The following CRK variants were observed in gnomAD, a reference collection of about 807,000 sequenced individuals.
CRK encodes the protein CRK proto-oncogene, adaptor protein, also known as adapter molecule crk.
Under a neutral mutation model 29.8 loss-of-function variants are expected in CRK, and 4 were observed. That is an observed-to-expected ratio of 0.13 (90% confidence interval 0.07 to 0.31). The LOEUF is 0.31. Among genes scored for constraint, CRK ranks in the 10% least tolerant of loss-of-function variants. CRK has a pLI of 1.00. For missense variants in CRK, 274 were observed against 396.5 expected (o/e 0.69, Z 2.62); for synonymous variants, 153 against 164.9 (o/e 0.93, Z 0.55).
chr17:1,455,782 A>C, intron 1 of CRK, 95 bp downstream of exon 1: 1 of 1,377,468 alleles, frequency 7.3e-7, no homozygotes, highest in South Asian at 1.6e-5. Flanking sequence ...TCTGCCCACG[A>C]CCCCCGAGGG....
At chr17:1,441,893 T>C (rs1372509641) in intron 1 of CRK, among the ~76,000 whole-genome samples, 1 of 152,024 alleles carries the variant, frequency 6.6e-6, no homozygotes, top group Non-Finnish European at 1.5e-5. Context: ...TCTGGCTCTG[T>C]GGCCCAGGCT....
chr17:1,433,171 A>G (rs531607984), intron 2 of CRK, among the ~76,000 whole-genome samples: 2 of 152,240 alleles, frequency 1.3e-5, no homozygotes, highest in Non-Finnish European at 2.9e-5. Context: ...TAATGAGAAC[A>G]AAATCAGAAC....
At chr17:1,430,126 C>T (rs1297719476) in intron 2 of CRK, among the ~76,000 whole-genome samples, 1 of 149,792 alleles carries the variant, frequency 6.7e-6, no homozygotes, top group Non-Finnish European at 1.5e-5. Context: ...CTCACTGCAA[C>T]CTCCACCTCC....
At chr17:1,435,821 T>A (rs1323025594) in intron 2 of CRK, among the ~76,000 whole-genome samples, 1 of 151,994 alleles carries the variant, frequency 6.6e-6, no homozygotes, top group Non-Finnish European at 1.5e-5. Context: ...CTGTGCCCAG[T>A]CTGTACTAGC....
In CRK at chr17:1,421,194, G is replaced by C. The variant is rs1218342580; in HGVS notation, c.*2319C>G. Reference sequence around the variant, plus strand: ...GGTTCATGAACGGCCCTGGATCACTGATCACTGAGGAATCCTTAGGACTTG... The same window carrying C: ...GGTTCATGAACGGCCCTGGATCACTCATCACTGAGGAATCCTTAGGACTTG... On this transcript the variant is annotated 3_prime_UTR_variant, in exon 3 of 3. Transcript: ENST00000300574. 1 of 152,152 alleles carries C rather than the reference G, an allele frequency of 6.6e-6. No homozygotes were observed. Among genetic ancestry groups the C allele is most frequent in the East Asian group, 1.9e-4 (1 of 5,204 alleles). The allele number at this position is 152,152 out of a possible 1,614,324, so 9.4% of individuals were successfully genotyped here.
Position 1,440,240 on chromosome 17 carries a change from G to A in CRK, c.242-3085C>T, listed in dbSNP as rs559239586. On this transcript the variant is annotated intron_variant, in intron 1 of 2. Transcript: ENST00000300574. ...CATGAACCCAGGAGGCAGAGCTTGC[G>A]GTGAGCCGAGATCGCGCCACTGCAC... Among the ~76,000 whole-genome samples the A allele has an allele frequency of 2.1e-3, 316 of 151,326 alleles. 3 individuals carry two copies. The highest frequency in any genetic ancestry group is 6.8e-3 in the Middle Eastern group (2 of 292).
chr17:1,446,960 T>C (rs1430881550), intron 1 of CRK, among the ~76,000 whole-genome samples: 1 of 152,168 alleles, frequency 6.6e-6, no homozygotes, highest in African/African-American at 2.4e-5. Context: ...CGGAAAACCT[T>C]TGATGTACTT....
Position 1,449,726 on chromosome 17 carries a change from A to G in CRK, c.241+6151T>C, listed in dbSNP as rs557885636. On this transcript the variant is annotated intron_variant, in intron 1 of 2. Coordinates refer to ENST00000300574, the MANE Select transcript of CRK (RefSeq NM_016823.4). ...AGCATTCCAAGGAGGTCCATCTTGA[A>G]GCCCAACCTGACAGAATGTGACCAG... is the stretch of plus-strand genomic sequence containing the variant. Among the ~76,000 whole-genome samples the G allele has an allele frequency of 4.9e-4, 75 of 152,316 alleles. No homozygotes were observed. The South Asian group carries it at 0.015, about 31-fold the overall frequency.
intron 1 of CRK, 144 bp from the exon 2 acceptor site, chr17:1,437,299 A>G: frequency 1.2e-6 from 1 of 860,460 alleles, no homozygotes; most frequent in Non-Finnish European, 1.7e-6. Context: ...TGATCCTCTC[A>G]CCACAAACTC....
intron 1 of CRK, among the ~76,000 whole-genome samples, chr17:1,439,196 C>T (rs1484685475): frequency 6.6e-6 from 1 of 151,866 alleles, no homozygotes; most frequent in Non-Finnish European, 1.5e-5. Flanking sequence ...CCCGGGTTCA[C>T]GTCATTCTCC....
At chr17:1,444,137 T>A (rs1431279288) in intron 1 of CRK, among the ~76,000 whole-genome samples, 1 of 151,964 alleles carries the variant, frequency 6.6e-6, no homozygotes, top group Non-Finnish European at 1.5e-5. Flanking sequence ...CCTGGTCTTG[T>A]TAATTTTGAG....
chr17:1,441,810 A>C (rs1040002740), intron 1 of CRK, among the ~76,000 whole-genome samples: 1 of 151,470 alleles, frequency 6.6e-6, no homozygotes, highest in African/African-American at 2.4e-5. Flanking sequence ...CTGATTTTGA[A>C]ATTTTTTTTA....
rs893225131 is a variant in CRK, at chr17:1,456,207, T to G, written c.-90A>C. On this transcript the variant is annotated 5_prime_UTR_variant, in exon 1 of 3. Coordinates refer to ENST00000300574, the MANE Select transcript of CRK (RefSeq NM_016823.4). ...CGCCGCCCAGCGGACCGGCTCCGGTTTCAGCTTCACAGCAGCGCCCGAAAT... is the reference window on the plus strand; with the variant it reads ...CGCCGCCCAGCGGACCGGCTCCGGTGTCAGCTTCACAGCAGCGCCCGAAAT... 9 of 1,338,762 alleles carry G rather than the reference T, an allele frequency of 6.7e-6. No homozygotes were observed. In the African/African-American group the frequency reaches 9.3e-5, roughly 14 times the overall value. 82.9% of individuals were successfully genotyped at this position (1,338,762 alleles called of 1,614,324 possible). A position where few individuals can be genotyped will look rare whatever the true frequency, so the allele number is the denominator to read the frequency against.
chr17:1,447,523 T>A (rs2073984424), intron 1 of CRK, among the ~76,000 whole-genome samples: 1 of 151,662 alleles, frequency 6.6e-6, no homozygotes, highest in Non-Finnish European at 1.5e-5. Flanking sequence ...GAGGGCTCTG[T>A]GGGCTAAAAT....
chr17:1,433,618 A>T (rs963300543), intron 2 of CRK, among the ~76,000 whole-genome samples: 1 of 142,008 alleles, frequency 7.0e-6, no homozygotes, highest in Non-Finnish European at 1.5e-5. Flanking sequence ...TCCCGGGTTC[A>T]AGTGATTCTC....
At position 1,436,797 on chromosome 17, in the gene CRK, C is replaced by T. The variant is rs1168918851; in HGVS notation, c.600G>A (p.Leu200=). 6 of 1,582,100 alleles carry T rather than the reference C, an allele frequency of 3.8e-6. No individual in the cohort carries two copies. Among genetic ancestry groups the T allele is most frequent in the Non-Finnish European group, 5.1e-6 (6 of 1,165,682 alleles). The stretch of plus-strand genomic sequence containing the variant: ...GGGAACCCTCCTGGTTACCTCCAAT[C>T]AGAGCCGATACTGAGGCGGAGGCAG... The part of the protein sequence containing the change: ...YRPASASVSA[L]IGGNQEGSHP... Residue 200 remains leucine (L), a synonymous_variant, in exon 2 of 3, where the codon CTG becomes CTA. Coordinates refer to ENST00000300574, the MANE Select transcript of CRK (RefSeq NM_016823.4).
At chr17:1,453,846 T>C (rs1440070425) in intron 1 of CRK, among the ~76,000 whole-genome samples, 1 of 151,912 alleles carries the variant, frequency 6.6e-6, no homozygotes, top group Non-Finnish European at 1.5e-5. Context: ...AGGTAGAGAT[T>C]GCAGTGAGCT....
At chr17:1,448,007 T>C (rs181579856) in intron 1 of CRK, among the ~76,000 whole-genome samples, 10 of 152,062 alleles carry the variant, frequency 6.6e-5, no homozygotes, top group Admixed American at 3.3e-4. Context: ...TACCCACCAA[T>C]ACAAAACGCT....
intron 2 of CRK, among the ~76,000 whole-genome samples, chr17:1,425,231 A>T (rs2073767076): frequency 1.3e-5 from 2 of 151,718 alleles, no homozygotes; most frequent in African/African-American, 2.4e-5. Flanking sequence ...CTGGGACTAC[A>T]GCCGCCCGCC....
Sources: allele counts gnomAD v4.1 joint callset (sites outside exome capture counted in the v4.1 genomes callset), GRCh38; gene constraint gnomAD v4.1.1; transcripts MANE v1.5; gene names NCBI Gene and HGNC (gene_info 2026-07-23, HGNC 2026-07-21).